The following CHN2 variants were observed in gnomAD, a reference collection of about 807,000 sequenced individuals.
The protein encoded by CHN2 is beta-chimaerin.
A neutral mutation model predicts 56.3 loss-of-function variants in CHN2; 35 were observed. The observed-to-expected ratio is 0.62, with a 90% confidence interval of 0.47 to 0.82. The LOEUF is 0.82. Among genes scored for constraint, CHN2 ranks in the 40% least tolerant of loss-of-function variants. The pLI, the probability that CHN2 is intolerant of heterozygous loss-of-function variation, is 0.00. For missense variants in CHN2, 491 were observed against 580.5 expected, an observed-to-expected ratio of 0.85 and a Z score of 1.58; for synonymous variants, 210 against 212.8, an observed-to-expected ratio of 0.99 and a Z score of 0.12.
intron 1 of CHN2, among the ~76,000 whole-genome samples, chr7:29,323,921 G>A (rs981690453): frequency 1.3e-5 from 2 of 151,934 alleles, no homozygotes; most frequent in African/African-American, 2.4e-5. Context: ...GGAGAATGGC[G>A]TGAACCCGGG....
At chr7:29,181,599 A>G (rs1295889317) in intron 2 of CHN2, among the ~76,000 whole-genome samples, 2 of 152,256 alleles carry the variant, frequency 1.3e-5, no homozygotes, top group Non-Finnish European at 2.9e-5. Context: ...TTAGGAATCT[A>G]TAAGACATAG....
At chr7:29,415,554 G>A (rs1468740015) in intron 6 of CHN2, among the ~76,000 whole-genome samples, 3 of 152,252 alleles carry the variant, frequency 2.0e-5, no homozygotes, top group Non-Finnish European at 4.4e-5. Context: ...TTCTAAGGAA[G>A]GGAGTAGTTG....
intron 6 of CHN2, among the ~76,000 whole-genome samples, chr7:29,457,419 C>A (rs1784849353): frequency 6.6e-6 from 1 of 152,178 alleles, no homozygotes; most frequent in Non-Finnish European, 1.5e-5. Flanking sequence ...CCCCGTGCCT[C>A]TGCAAGCCCC....
At chr7:29,204,273 T>C (rs1784373235) in intron 1 of CHN2, among the ~76,000 whole-genome samples, 1 of 152,012 alleles carries the variant, frequency 6.6e-6, no homozygotes, top group Admixed American at 6.6e-5. Flanking sequence ...TTATTTCCAG[T>C]CAAATTTATA....
At chr7:29,303,470 C>T (rs1562903278) in intron 1 of CHN2, among the ~76,000 whole-genome samples, 2 of 152,202 alleles carry the variant, frequency 1.3e-5, no homozygotes, top group African/African-American at 2.4e-5. Context: ...CAGGCAAGTG[C>T]CATGCCCCCT....
At chr7:29,219,319 G>A (rs1323683831) in intron 1 of CHN2, among the ~76,000 whole-genome samples, 6 of 151,856 alleles carry the variant, frequency 4.0e-5, no homozygotes, top group African/African-American at 1.5e-4. Flanking sequence ...CAATCTTTAG[G>A]GTAATCATTA....
chr7:29,402,899 T>C (rs1406115877), intron 6 of CHN2, among the ~76,000 whole-genome samples: 1 of 151,476 alleles, frequency 6.6e-6, no homozygotes. Context: ...AAATAAATTG[T>C]GGAGGAAATT....
intron 1 of CHN2, among the ~76,000 whole-genome samples, chr7:29,307,528 C>T (rs181689538): frequency 6.6e-6 from 1 of 152,304 alleles, no homozygotes; most frequent in East Asian, 1.9e-4. Flanking sequence ...AGTAAGATTG[C>T]TAACCAGGTG....
intron 1 of CHN2, among the ~76,000 whole-genome samples, chr7:29,291,290 G>T (rs543695117): frequency 6.6e-6 from 1 of 152,198 alleles, no homozygotes; most frequent in East Asian, 1.9e-4. Context: ...GGAGCCAGCC[G>T]TTCCCTGGCA....
chr7:29,477,297 A>C (rs1251092664), intron 6 of CHN2, among the ~76,000 whole-genome samples: 1 of 152,182 alleles, frequency 6.6e-6, no homozygotes, highest in Non-Finnish European at 1.5e-5. Flanking sequence ...ATTCTATTGA[A>C]TCAATAGCTG....
intron 6 of CHN2, among the ~76,000 whole-genome samples, chr7:29,423,730 A>G (rs971233804): frequency 6.6e-6 from 1 of 152,212 alleles, no homozygotes; most frequent in Non-Finnish European, 1.5e-5. Flanking sequence ...AAATTCAGCC[A>G]GTTCAGGGAT....
intron 1 of CHN2, among the ~76,000 whole-genome samples, chr7:29,350,633 T>C (rs554246302): frequency 2.8e-4 from 42 of 152,132 alleles, no homozygotes; most frequent in African/African-American, 9.9e-4. Flanking sequence ...GGGGCAAGAA[T>C]AGAGACAGAC....
chr7:29,495,434 A>G (rs780533194), intron 7 of CHN2, among the ~76,000 whole-genome samples: 9 of 152,328 alleles, frequency 5.9e-5, no homozygotes, highest in Non-Finnish European at 8.8e-5. Flanking sequence ...GGTTGCCTCC[A>G]TGTTTAGCCA....
intron 6 of CHN2, among the ~76,000 whole-genome samples, chr7:29,418,077 T>C (rs1214463492): frequency 6.6e-6 from 1 of 152,230 alleles, no homozygotes; most frequent in Non-Finnish European, 1.5e-5. Flanking sequence ...GAAGGATTGC[T>C]GGAGCGCCTT....
chr7:29,396,380 C>T (rs955999223), intron 4 of CHN2, among the ~76,000 whole-genome samples: 3 of 145,260 alleles, frequency 2.1e-5, no homozygotes, highest in African/African-American at 7.9e-5. Flanking sequence ...TTGCTTGAGC[C>T]TGGGAGGCGG....
intron 6 of CHN2, among the ~76,000 whole-genome samples, chr7:29,405,155 A>G (rs1168286543): frequency 6.9e-6 from 1 of 144,110 alleles, no homozygotes; most frequent in African/African-American, 2.6e-5. Context: ...TGGAGTGCTT[A>G]TGTCACCATA....
chr7:29,461,067 T>C (rs1785132004), intron 6 of CHN2, among the ~76,000 whole-genome samples: 1 of 152,250 alleles, frequency 6.6e-6, no homozygotes, highest in Non-Finnish European at 1.5e-5. Context: ...GTAGGGTAAC[T>C]GAAGCCATTC....
intron 4 of CHN2, chr7:29,397,613 C>A (rs1486769196): frequency 6.6e-6 from 1 of 152,128 alleles, no homozygotes; most frequent in East Asian, 1.9e-4. Flanking sequence ...CAACAGGGAA[C>A]GTGGGCTGGT....
intron 6 of CHN2, among the ~76,000 whole-genome samples, chr7:29,463,625 A>C (rs1324372405): frequency 1.3e-5 from 2 of 152,162 alleles, no homozygotes; most frequent in Non-Finnish European, 2.9e-5. Context: ...GGCTTTAGAA[A>C]ATAAGGTGGG....
Sources: allele counts gnomAD v4.1 joint callset (sites outside exome capture counted in the v4.1 genomes callset), GRCh38; gene constraint gnomAD v4.1.1; transcripts MANE v1.5; gene names NCBI Gene and HGNC (gene_info 2026-07-23, HGNC 2026-07-21).